The following GALNT17 variants were observed in gnomAD, a reference collection of about 807,000 sequenced individuals.
GALNT17 encodes UDP-GalNAc:polypeptide N-acetylgalactosaminyltransferase-like 3.
In GALNT17, 29 loss-of-function variants were observed where a neutral mutation model predicts 63.7. The observed-to-expected ratio is 0.46, with a 90% confidence interval of 0.34 to 0.62. The LOEUF (loss-of-function observed/expected upper bound fraction) is 0.62. Ranked by LOEUF, GALNT17 falls within the 20% of genes least tolerant of loss-of-function variation. GALNT17 has a pLI of 0.01. For missense variants in GALNT17, 603 were observed against 799.6 expected (o/e 0.75, Z 2.97); for synonymous variants, 305 against 318.3 (o/e 0.96, Z 0.45).
At chr7:71,343,145 G>C (rs894991845) in intron 2 of GALNT17, among the ~76,000 whole-genome samples, 8 of 152,312 alleles carry the variant, frequency 5.3e-5, no homozygotes, top group African/African-American at 1.9e-4. Flanking sequence ...AGCCATCAAA[G>C]AGTTGTAAGG....
At chr7:71,685,729 C>T (rs1791343618) in intron 9 of GALNT17, 1 of 152,026 alleles carries the variant, frequency 6.6e-6, no homozygotes, top group Admixed American at 6.6e-5. Context: ...GAAGTTGCAG[C>T]CAGATCACCC....
In GALNT17 at chr7:71,233,874, CTCAGGAAAA is replaced by C. The variant is rs747701993; in HGVS notation, c.238+100838_238+100846del. ...GTACAGGAAGCATGACTTGGGAGGCCTCAGGAAAATCATGGTGGAAGGCAAAGGGGAAGC... is the reference window on the plus strand; with the variant it reads ...GTACAGGAAGCATGACTTGGGAGGCCTCATGGTGGAAGGCAAAGGGGAAGC... On this transcript the variant is annotated intron_variant, in intron 1 of 10. Transcript: ENST00000333538. 1.6e-4 allele frequency among the ~76,000 whole-genome samples: 24 copies of C among 152,236 alleles called. No individual in the cohort carries two copies. The Middle Eastern group carries it at 0.02, about 129-fold the overall frequency.
At chr7:71,588,983 G>C (rs1789760051) in intron 6 of GALNT17, among the ~76,000 whole-genome samples, 1 of 152,062 alleles carries the variant, frequency 6.6e-6, no homozygotes, top group African/African-American at 2.4e-5. Flanking sequence ...CCCACATAAG[G>C]GTCAATACGG....
At chr7:71,594,802 A>T (rs1169214039) in intron 6 of GALNT17, among the ~76,000 whole-genome samples, 2 of 152,178 alleles carry the variant, frequency 1.3e-5, no homozygotes, top group Non-Finnish European at 2.9e-5. Context: ...TCATTTTATT[A>T]TCTCTCCTGT....
intron 1 of GALNT17, among the ~76,000 whole-genome samples, chr7:71,155,326 T>G (rs1372850065): frequency 6.6e-6 from 1 of 151,738 alleles, no homozygotes; most frequent in Non-Finnish European, 1.5e-5. Context: ...CAGGCTGGAG[T>G]GCAGTGGCAT....
At chr7:71,354,202 G>A (rs1023208379) in intron 2 of GALNT17, among the ~76,000 whole-genome samples, 2 of 152,252 alleles carry the variant, frequency 1.3e-5, no homozygotes, top group Non-Finnish European at 1.5e-5. Context: ...ACACAGACCC[G>A]TACTATATCA....
chr7:71,263,677 A>T (rs1270443500), intron 1 of GALNT17, among the ~76,000 whole-genome samples: 2 of 151,972 alleles, frequency 1.3e-5, no homozygotes, highest in South Asian at 4.2e-4. Context: ...TAATCCCAGC[A>T]CTTTGAGAGG....
chr7:71,585,168 C>G (rs1789696910), intron 6 of GALNT17, among the ~76,000 whole-genome samples: 2 of 152,134 alleles, frequency 1.3e-5, no homozygotes, highest in Admixed American at 1.3e-4. Context: ...GGCAAGAACA[C>G]TTTAAGCTCT....
chr7:71,555,523 A>G (rs557408410), intron 5 of GALNT17, among the ~76,000 whole-genome samples: 1 of 152,018 alleles, frequency 6.6e-6, no homozygotes, highest in African/African-American at 2.4e-5. Flanking sequence ...AACAGGTCCC[A>G]TCAGGCCCCA....
At chr7:71,360,368 A>G (rs565393806) in intron 2 of GALNT17, among the ~76,000 whole-genome samples, 148 of 152,354 alleles carry the variant, frequency 9.7e-4, no homozygotes, top group Middle Eastern at 3.4e-3. Context: ...TGTGATTTCC[A>G]GTTCAGATGA....
At chr7:71,503,112 C>G (rs1788206629) in intron 5 of GALNT17, among the ~76,000 whole-genome samples, 1 of 152,158 alleles carries the variant, frequency 6.6e-6, no homozygotes, top group African/African-American at 2.4e-5. Context: ...TGATTCTGTC[C>G]ACAGCTATTA....
chr7:71,573,908 T>C (rs1789492891), intron 6 of GALNT17, among the ~76,000 whole-genome samples: 1 of 152,170 alleles, frequency 6.6e-6, no homozygotes, highest in African/African-American at 2.4e-5. Flanking sequence ...AGTTCCCACT[T>C]ATACATGAAA....
chr7:71,308,739 C>G (rs932373692), intron 1 of GALNT17, among the ~76,000 whole-genome samples: 2 of 149,810 alleles, frequency 1.3e-5, no homozygotes, highest in Non-Finnish European at 3.0e-5. Context: ...TTTCATTTCT[C>G]TTTAGTTTTT....
At chr7:71,244,186 C>G (rs981724229) in intron 1 of GALNT17, among the ~76,000 whole-genome samples, 5 of 152,212 alleles carry the variant, frequency 3.3e-5, no homozygotes, top group African/African-American at 1.2e-4. Flanking sequence ...CCTGGCTGCA[C>G]AGGCACCTCC....
intron 1 of GALNT17, among the ~76,000 whole-genome samples, chr7:71,178,289 G>A (rs1347256660): frequency 6.6e-6 from 1 of 151,962 alleles, no homozygotes; most frequent in Non-Finnish European, 1.5e-5. Context: ...TTGTATTATT[G>A]TTCCCCTGCA....
At chr7:71,693,303 C>CATATAT (rs1214195779) in intron 9 of GALNT17, among the ~76,000 whole-genome samples, 94 of 121,970 alleles carry the variant, frequency 7.7e-4, no homozygotes, top group South Asian at 2.7e-3. Flanking sequence ...CACACACACA[C>CATATAT]ACACACATAT....
At chr7:71,257,192 G>A (rs1471075412) in intron 1 of GALNT17, among the ~76,000 whole-genome samples, 1 of 151,960 alleles carries the variant, frequency 6.6e-6, no homozygotes, top group Non-Finnish European at 1.5e-5. Context: ...TTGTGAAATG[G>A]GTGCAGGACA....
At chr7:71,653,206 G>T (rs1207408415) in intron 6 of GALNT17, among the ~76,000 whole-genome samples, 1 of 151,820 alleles carries the variant, frequency 6.6e-6, no homozygotes, top group Non-Finnish European at 1.5e-5. Flanking sequence ...AGTAGAGACG[G>T]GGTTTTACCA....
At chr7:71,322,596 G>A (rs1264720782) in intron 1 of GALNT17, among the ~76,000 whole-genome samples, 1 of 152,160 alleles carries the variant, frequency 6.6e-6, no homozygotes, top group Non-Finnish European at 1.5e-5. Context: ...ATCACCATGT[G>A]TTATAAACCA....
Sources: allele counts gnomAD v4.1 joint callset (sites outside exome capture counted in the v4.1 genomes callset), GRCh38; gene constraint gnomAD v4.1.1; transcripts MANE v1.5; gene names NCBI Gene and HGNC (gene_info 2026-07-23, HGNC 2026-07-21).